Variants in ABCA13 observed in about 807,000 individuals in gnomAD.
The protein encoded by ABCA13 is ATP binding cassette subfamily A member 13, also known as ATP-binding cassette sub-family A member 13.
Under a neutral mutation model 478.7 loss-of-function variants are expected in ABCA13, and 476 were observed. The ratio of observed to expected loss-of-function variants is 0.99; its 90% CI spans 0.92 to 1.07. ABCA13 has a LOEUF of 1.07. Among genes scored for constraint, ABCA13 ranks in the 50% least tolerant of loss-of-function variants. The pLI is 0.00. For synonymous variants in ABCA13, 2,252 were observed against 2,158.9 expected (o/e 1.04, Z -1.20); for missense variants, 6,060 against 5,910.6 (o/e 1.03, Z -0.83).
intron 35 of ABCA13, among the ~76,000 whole-genome samples, chr7:48,378,278 G>C (rs535734372): frequency 6.6e-6 from 1 of 152,284 alleles, no homozygotes; most frequent in African/African-American, 2.4e-5. Flanking sequence ...GGACAGTATT[G>C]AGTCGTTCCT....
Position 48,516,841 on chromosome 7 carries a change from C to A in ABCA13, c.13757C>A (p.Thr4586Asn). ...TTTGGCCTTTGTACCATGCTCATAACCATTATGCCCCGGTTGCTAGCCATC... is the reference window on the plus strand; with the variant it reads ...TTTGGCCTTTGTACCATGCTCATAAACATTATGCCCCGGTTGCTAGCCATC... Reference protein sequence around the residue: ...FIFGLCTMLITIMPRLLAIIS... With the variant: ...FIFGLCTMLINIMPRLLAIIS... The change falls in exon 52 of 62, where the codon ACC becomes AAC. Residue 4586 changes from threonine (T) to asparagine (N), a missense_variant. This residue lies in a region of ABCA13 where 1,627 missense variants were observed against 1,571.0 expected (regional missense o/e 1.04). Coordinates refer to ENST00000435803, the MANE Select transcript of ABCA13 (RefSeq NM_152701.5). 1.9e-6 allele frequency: 3 copies of A among 1,613,732 alleles called. No homozygotes were observed. Among genetic ancestry groups the A allele is most frequent in the Non-Finnish European group, 2.5e-6 (3 of 1,179,698 alleles).
chr7:48,306,320 C>A (rs1320490069), intron 23 of ABCA13, among the ~76,000 whole-genome samples: 1 of 152,122 alleles, frequency 6.6e-6, no homozygotes, highest in African/African-American at 2.4e-5. Flanking sequence ...TGCATGGGGA[C>A]CACTGTGTGA....
At chr7:48,364,185 G>A (rs932208038) in intron 31 of ABCA13, among the ~76,000 whole-genome samples, 1 of 152,126 alleles carries the variant, frequency 6.6e-6, no homozygotes, top group African/African-American at 2.4e-5. Context: ...AGTGCTTCCT[G>A]AAAACATATG....
At chr7:48,419,301 T>G (rs1820427724) in intron 41 of ABCA13, among the ~76,000 whole-genome samples, 1 of 152,252 alleles carries the variant, frequency 6.6e-6, no homozygotes, top group African/African-American at 2.4e-5. Context: ...GTAGTCACCT[T>G]TCTTTTACAA....
intron 11 of ABCA13, 133 bp downstream of exon 11, chr7:48,244,836 A>G: frequency 8.9e-7 from 1 of 1,120,166 alleles, no homozygotes; most frequent in Non-Finnish European, 1.3e-6. Context: ...ATGCATATTT[A>G]TGCTTTACTC....
In ABCA13 at chr7:48,192,974, G is replaced by A. The variant is rs1194990033; in HGVS notation, c.85G>A (p.Glu29Lys). Residue 29 changes from glutamate to lysine, a missense_variant, in exon 2 of 62, where the codon GAA (glutamate) becomes AAA (lysine). Coordinates refer to ENST00000435803, the MANE Select transcript of ABCA13 (RefSeq NM_152701.5). Reference protein sequence around the residue: ...RLRNPVLFLAEFFWPCILFVI... With the variant: ...RLRNPVLFLAKFFWPCILFVI... ...AATTTTCTAGGTCCTTTTCCTTGCT[G>A]AATTCTTCTGGCCTTGTATCCTGTT... 6.6e-7 allele frequency: 1 copy of A among 1,509,652 alleles called. No homozygotes were observed. The highest frequency in any genetic ancestry group is 8.8e-7 in the Non-Finnish European group (1 of 1,135,354). 93.5% of individuals were successfully genotyped at this position (1,509,652 alleles called of 1,614,324 possible).
intron 41 of ABCA13, among the ~76,000 whole-genome samples, chr7:48,426,020 C>T (rs1821378244): frequency 6.6e-6 from 1 of 152,194 alleles, no homozygotes; most frequent in South Asian, 2.1e-4. Context: ...GGATTACAGG[C>T]GTGAGCCACC....
At chr7:48,521,790 C>CA (rs1221482100) in intron 53 of ABCA13, among the ~76,000 whole-genome samples, 2 of 152,054 alleles carry the variant, frequency 1.3e-5, no homozygotes, top group African/African-American at 4.8e-5. Context: ...AGTAAAGAGT[C>CA]AATTTTTTTC....
At chr7:48,549,400 C>T (rs7810275) in intron 55 of ABCA13, among the ~76,000 whole-genome samples, 21,270 of 151,706 alleles carry the variant, frequency 0.14, 2,063 homozygotes, top group African/African-American at 0.23. Context: ...TGATCTCGTT[C>T]TTTTTTATGG....
At chr7:48,388,899 T>C in intron 36 of ABCA13, 141 bp from the exon 37 acceptor site, 1 of 948,528 alleles carries the variant, frequency 1.1e-6, no homozygotes, top group Non-Finnish European at 1.6e-6. Flanking sequence ...TTGTTCTTGC[T>C]AAAGAAAGAT....
At chr7:48,336,029 G>A (rs1231566947) in intron 28 of ABCA13, among the ~76,000 whole-genome samples, 1 of 152,118 alleles carries the variant, frequency 6.6e-6, no homozygotes, top group South Asian at 2.1e-4. Flanking sequence ...AACTCTGATA[G>A]GATGAGAAAA....
At chr7:48,184,497 T>A (rs1045216021) in intron 1 of ABCA13, among the ~76,000 whole-genome samples, 1 of 152,188 alleles carries the variant, frequency 6.6e-6, no homozygotes, top group Non-Finnish European at 1.5e-5. Context: ...GAAAACTGTC[T>A]GTTTTCTTCT....
chr7:48,418,465 A>T (rs955671608), intron 41 of ABCA13, among the ~76,000 whole-genome samples: 1 of 152,012 alleles, frequency 6.6e-6, no homozygotes, highest in African/African-American at 2.4e-5. Context: ...TCATATTCTT[A>T]TTTGCCATTT....
Position 48,507,900 on chromosome 7 carries a change from G to T in ABCA13, c.13375G>T (p.Ala4459Ser), listed in dbSNP as rs1831354199. Residue 4459 changes from alanine to serine, a missense_variant, in exon 50 of 62, where the codon GCC becomes TCC. Ala to Ser is a moderately conservative substitution (Grantham distance 99). Coordinates refer to ENST00000435803, the MANE Select transcript of ABCA13 (RefSeq NM_152701.5). The part of the protein sequence containing the change: ...ILESIRQCGV[A>S]LCIVLGFSIL... ...GGAGAGCATCCGTCAGTGTGGAGTGGCCCTCTGCATCGTGCTGGGATTCTC... is the reference window on the plus strand; with the variant it reads ...GGAGAGCATCCGTCAGTGTGGAGTGTCCCTCTGCATCGTGCTGGGATTCTC... 6.2e-7 allele frequency: 1 copy of T among 1,611,732 alleles called. No homozygotes were observed. Among genetic ancestry groups the T allele is most frequent in the African/African-American group, 1.3e-5 (1 of 75,020 alleles).
intron 51 of ABCA13, among the ~76,000 whole-genome samples, chr7:48,515,545 C>T (rs79070221): frequency 0.028 from 4,207 of 152,292 alleles, 80 homozygotes; most frequent in East Asian, 0.081. Flanking sequence ...ATGCTTCTTA[C>T]TCCCCAGCTT....
At chr7:48,597,234 G>A (rs1790392724) in intron 58 of ABCA13, among the ~76,000 whole-genome samples, 2 of 152,334 alleles carry the variant, frequency 1.3e-5, no homozygotes, top group South Asian at 2.1e-4. Flanking sequence ...ACAGGCGTGA[G>A]CCACCATGCC....
chr7:48,207,816 A>G (rs553224866), intron 3 of ABCA13, among the ~76,000 whole-genome samples: 15 of 152,098 alleles, frequency 9.9e-5, no homozygotes, highest in African/African-American at 3.6e-4. Flanking sequence ...GATGTGATCC[A>G]TTTGTCCATT....
At chr7:48,265,905 A>G (rs1794809941) in intron 15 of ABCA13, among the ~76,000 whole-genome samples, 1 of 151,682 alleles carries the variant, frequency 6.6e-6, no homozygotes, top group Non-Finnish European at 1.5e-5. Flanking sequence ...TTTCATAGAT[A>G]CTTTTTATTA....
At position 48,276,121 on chromosome 7, in the gene ABCA13, A is replaced by G. The variant is rs965110255; in HGVS notation, c.6455A>G (p.Glu2152Gly). The G allele has an allele frequency of 1.3e-6, 2 of 1,597,204 alleles. No individual in the cohort carries two copies. The highest frequency in any genetic ancestry group is 1.3e-5 in the African/African-American group (1 of 74,216). Residue 2152 changes from glutamate to glycine, a missense_variant, in exon 17 of 62, where the codon GAG becomes GGG. By Grantham distance (98) the Glu-to-Gly change is moderately conservative (BLOSUM62 -2). This residue lies in a region of ABCA13 where 4,423 missense variants were observed against 4,309.1 expected (regional missense o/e 1.03). Transcript: ENST00000435803. ...ACATTATTCATTCCTGTGACCAATG[A>G]GAGTTCAACTGAAGATATAGCTTTG... ...IETLFIPVTN[E>G]SSTEDIALLA...
Sources: allele counts gnomAD v4.1 joint callset (sites outside exome capture counted in the v4.1 genomes callset), GRCh38; gene constraint gnomAD v4.1.1; regional missense constraint gnomAD v4.1.1; transcripts MANE v1.5; gene names NCBI Gene and HGNC (gene_info 2026-07-23, HGNC 2026-07-21).